Variants in MAP4 observed in about 807,000 individuals in gnomAD.
MAP4 encodes the protein microtubule associated protein 4.
In MAP4, 76 loss-of-function variants were observed where a neutral mutation model predicts 170.2. The observed-to-expected ratio is 0.45, with a 90% confidence interval of 0.37 to 0.54. MAP4 has a LOEUF of 0.54. Among genes scored for constraint, MAP4 ranks in the 20% least tolerant of loss-of-function variants. MAP4 has a pLI of 0.00. For missense variants in MAP4, 2,506 were observed against 2,748.0 expected, an observed-to-expected ratio of 0.91 and a Z score of 1.97; for synonymous variants, 909 against 994.5, an observed-to-expected ratio of 0.91 and a Z score of 1.62.
chr3:47,975,360 G>C (rs1285401255), intron 3 of MAP4: 1 of 1,549,342 alleles, frequency 6.5e-7, no homozygotes, highest in Non-Finnish European at 8.7e-7. Flanking sequence ...GGAATGAAAA[G>C]CAAAGCTCTG....
intron 5 of MAP4, 94 bp from the exon 6 acceptor site, chr3:47,918,935 T>A: frequency 8.5e-7 from 1 of 1,175,380 alleles, no homozygotes; most frequent in Non-Finnish European, 1.2e-6. Flanking sequence ...TTGTTTTGTT[T>A]GTTTTTTTTT....
Position 47,910,084 on chromosome 3 carries a change from G to A in MAP4, c.4337C>T (p.Pro1446Leu), listed in dbSNP as rs901451763. ...ESAACEKLPT[P>L]TPQVVKEGDS... ...ACCTTCCTTTACTACTTGAGGAGTA[G>A]GAGTGGGCAGTTTTTCACAGGCTGC... The change falls in exon 9 of 21, where the codon CCT (proline) becomes CTT (leucine). Residue 1446 changes from proline (P) to leucine (L), a missense_variant. This residue lies in a region of MAP4 where 2,008 missense variants were observed against 2,206.0 expected (regional missense o/e 0.91). Transcript: ENST00000683076. 1 of 1,613,988 alleles carries A rather than the reference G, an allele frequency of 6.2e-7. No homozygotes were observed. The highest frequency in any genetic ancestry group is 8.5e-7 in the Non-Finnish European group (1 of 1,179,880).
rs116444926 is a variant in MAP4 at position 48,064,702 on chromosome 3, G to A, written c.-20+24071C>T. Reference sequence around the variant, plus strand: ...ATGTGTTAGGTGACTTCATCATTGTGCAACTGTCATAGAGTGTACTAAACA... The same window carrying A: ...ATGTGTTAGGTGACTTCATCATTGTACAACTGTCATAGAGTGTACTAAACA... On this transcript the variant is annotated intron_variant, in intron 1 of 18. Coordinates refer to the MAP4 transcript ENST00000360240. Among the ~76,000 whole-genome samples the A allele has an allele frequency of 4.0e-3, 610 of 152,182 alleles. 6 individuals carry two copies. Among genetic ancestry groups the A allele is most frequent in the African/African-American group, 0.014 (591 of 41,530 alleles).
chr3:47,900,365 A>T lies in MAP4; in HGVS notation c.5434+2585T>A, dbSNP rs145270620. ...TCTCCCTGATTAAAAAAAGGATGAG[A>T]AGCAAACAGACAGAATGAATAAGCT... On this transcript the variant is annotated intron_variant, in intron 10 of 20. Coordinates refer to ENST00000683076, the MANE Select transcript of MAP4 (RefSeq NM_001385682.1). Among the ~76,000 whole-genome samples, 9 of 152,328 alleles carry T rather than the reference A, an allele frequency of 5.9e-5. No homozygotes were observed. The East Asian group carries it at 1.7e-3, about 29-fold the overall frequency.
chr3:47,979,604 G>A lies in MAP4; in HGVS notation c.224-1671C>T, dbSNP rs142096125. ...CCCAAGTAGCTGGGACTACAGGCAC[G>A]TGCCACCACGTCCAGCTAATTTTTT... On this transcript the variant is annotated intron_variant, in intron 2 of 20. Coordinates refer to ENST00000683076, the MANE Select transcript of MAP4 (RefSeq NM_001385682.1). Among the ~76,000 whole-genome samples the A allele has an allele frequency of 4.1e-3, 624 of 151,094 alleles. 5 individuals are homozygous for A. The highest frequency in any genetic ancestry group is 0.014 in the African/African-American group (588 of 41,168).
Position 47,909,884 on chromosome 3 carries a change from T to C in MAP4, c.4537A>G (p.Thr1513Ala). The C allele has an allele frequency of 5.0e-6, 8 of 1,614,052 alleles. No individual in the cohort carries two copies. The highest frequency in any genetic ancestry group is 6.8e-6 in the Non-Finnish European group (8 of 1,179,892). Residue 1513 changes from threonine (T) to alanine (A), a missense_variant, in exon 9 of 21, where the codon ACA (threonine) becomes GCA (alanine). This residue lies in a region of MAP4 where 2,008 missense variants were observed against 2,206.0 expected (regional missense o/e 0.91). Transcript: ENST00000683076. ...TSTGGVALPI[T>A]TAIETVNIHG... ...ATGTTAACTGTTTCTATGGCTGTTG[T>C]AATAGGTAGAGCAACTCCTCCTGTG...
Position 47,990,223 on chromosome 3 carries a change from T to C in MAP4, c.223+8415A>G, listed in dbSNP as rs567507476. On this transcript the variant is annotated intron_variant, in intron 2 of 20. Transcript: ENST00000683076. ...GGAGAAATTCTGCAGTATCTATTAA[T>C]AGTTGTCACTTAGGCCCTTTTCCAT... is the stretch of plus-strand genomic sequence containing the variant. Among the ~76,000 whole-genome samples, 329 of 152,262 alleles carry C rather than the reference T, an allele frequency of 2.2e-3. 2 individuals carry two copies. Among genetic ancestry groups the C allele is most frequent in the Non-Finnish European group, 3.9e-3 (268 of 68,052 alleles).
chr3:47,877,520 A>G lies in MAP4; in HGVS notation c.5438T>C (p.Ile1813Thr), dbSNP rs143298732. The G allele has an allele frequency of 1.2e-6, 2 of 1,608,160 alleles. No homozygotes were observed. Among genetic ancestry groups the G allele is most frequent in the Non-Finnish European group, 1.7e-6 (2 of 1,175,290 alleles). Residue 1813 changes from isoleucine to threonine, a missense_variant, in exon 11 of 21, where the codon ATA becomes ACA. Coordinates refer to ENST00000683076, the MANE Select transcript of MAP4 (RefSeq NM_001385682.1). ...YQQLGMSVYG[I>T]ARPEEGRPVV... ...AGGCCTTCCTTCTTCTGGCCTGGCT[A>G]TTCCTAAGGGGAGAGGGTGAGTGGG...
Position 47,911,096 on chromosome 3 carries a change from C to A in MAP4, c.3325G>T (p.Gly1109Ter). Reference sequence around the variant, plus strand: ...TCACTCTTATCCTGAGTAGTCATTCCTTCAGTTTTAGAGACTGGCTCACTC... The same window carrying A: ...TCACTCTTATCCTGAGTAGTCATTCATTCAGTTTTAGAGACTGGCTCACTC... ...IPSEPVSKTE[G>*]MTTQDKSEEL... is the part of the protein sequence containing the mutation. Residue 1109 changes from glycine to a stop codon, truncating the protein, a stop_gained, in exon 9 of 21, where the codon GGA (glycine) becomes TGA (stop). Coordinates refer to ENST00000683076, the MANE Select transcript of MAP4 (RefSeq NM_001385682.1). LOFTEE classifies it high-confidence loss of function. This position sits in a 1 kb window ranked among gnomAD's most constrained non-coding sequence, Gnocchi z 4.0. The A allele has an allele frequency of 6.5e-7, 1 of 1,536,154 alleles. No homozygotes were observed. Among genetic ancestry groups the A allele is most frequent in the Non-Finnish European group, 8.7e-7 (1 of 1,146,918 alleles).
upstream of MAP4, among the ~76,000 whole-genome samples, chr3:48,017,939 G>A (rs566357573): frequency 8.5e-5 from 13 of 152,242 alleles, no homozygotes; most frequent in African/African-American, 2.9e-4. Context: ...AGATGGTTTC[G>A]GGATGAAACT....
At chr3:48,017,439 T>C (rs1293154097), upstream of MAP4, among the ~76,000 whole-genome samples, 1 of 152,040 alleles carries the variant, frequency 6.6e-6, no homozygotes, top group Non-Finnish European at 1.5e-5. Context: ...ACATTCCACC[T>C]GATCTTTAAA....
At chr3:47,859,601 A>G (rs1165980868) in intron 17 of MAP4, among the ~76,000 whole-genome samples, 1 of 152,184 alleles carries the variant, frequency 6.6e-6, no homozygotes, top group East Asian at 1.9e-4. Flanking sequence ...ACGGCCTCAC[A>G]TAGCTCTCGC....
chr3:48,084,569 T>C (rs2100148143), intron 1 of MAP4, among the ~76,000 whole-genome samples: 1 of 151,670 alleles, frequency 6.6e-6, no homozygotes, highest in South Asian at 2.1e-4. Context: ...GTGTGCTTTA[T>C]TACCCCTTTT....
At chr3:48,060,472 A>C (rs914953863) in intron 1 of MAP4, among the ~76,000 whole-genome samples, 1 of 152,182 alleles carries the variant, frequency 6.6e-6, no homozygotes, top group African/African-American at 2.4e-5. Flanking sequence ...AACCCCAAAA[A>C]CATGATGTAG....
At chr3:47,955,885 C>T (rs928054457) in intron 3 of MAP4, among the ~76,000 whole-genome samples, 2 of 152,142 alleles carry the variant, frequency 1.3e-5, no homozygotes, top group African/African-American at 2.4e-5. Flanking sequence ...TTGAAGTGTC[C>T]ATGGCAAATA....
At chr3:47,908,185 C>A (rs1577399542) in intron 9 of MAP4, among the ~76,000 whole-genome samples, 3 of 137,732 alleles carry the variant, frequency 2.2e-5, no homozygotes, top group Admixed American at 1.6e-4. Context: ...AGGGAAGCCA[C>A]GATTAAATGT....
At chr3:47,926,135 C>T (rs898480808) in intron 4 of MAP4, among the ~76,000 whole-genome samples, 3 of 149,692 alleles carry the variant, frequency 2.0e-5, no homozygotes, top group East Asian at 2.0e-4. Flanking sequence ...GGATTACAGG[C>T]GTGAGCCACC....
chr3:47,867,105 C>A, intron 17 of MAP4, 141 bp downstream of exon 17: 1 of 602,112 alleles, frequency 1.7e-6, no homozygotes, highest in East Asian at 3.0e-5. Context: ...TCAAGGTCCC[C>A]TCACTTTGCT....
chr3:47,981,146 A>C (rs1358067464), intron 2 of MAP4, among the ~76,000 whole-genome samples: 5 of 152,268 alleles, frequency 3.3e-5, no homozygotes. Flanking sequence ...CACTGCTTAA[A>C]AACAACAAAT....
Sources: allele counts gnomAD v4.1 joint callset (sites outside exome capture counted in the v4.1 genomes callset), GRCh38; gene constraint gnomAD v4.1.1; regional missense constraint gnomAD v4.1.1; non-coding constraint Gnocchi (gnomAD v3.1); transcripts MANE v1.5; gene names NCBI Gene and HGNC (gene_info 2026-07-23, HGNC 2026-07-21).